Variants in SENP7 observed in about 807,000 individuals in gnomAD.
The protein encoded by SENP7 is SUMO specific peptidase 7, also known as sentrin-specific protease 7.
In SENP7, 64 loss-of-function variants were observed where a neutral mutation model predicts 141.2. That is an observed-to-expected ratio of 0.45 (90% confidence interval 0.37 to 0.56). SENP7 has a LOEUF of 0.56. SENP7 is among the 20% of genes least tolerant of loss of function. SENP7 has a pLI of 0.00. For missense variants in SENP7, 1,025 were observed against 1,212.2 expected, an observed-to-expected ratio of 0.85 and a Z score of 2.29; for synonymous variants, 382 against 426.4, an observed-to-expected ratio of 0.90 and a Z score of 1.28.
rs150700727 is a variant in SENP7, at chr3:101,446,013, A to T, written c.284+12942T>A. ...AATCTCATGTCATATTGTAATCCCC[A>T]ATGTTGGAAGAGGGGCCTTATGGGA... On this transcript the variant is annotated intron_variant, in intron 4 of 23. Coordinates refer to ENST00000394095, the MANE Select transcript of SENP7 (RefSeq NM_020654.5). 2.6e-3 allele frequency among the ~76,000 whole-genome samples: 397 copies of T among 152,202 alleles called. 6 individuals are homozygous for T. In the South Asian group the frequency reaches 0.029, roughly 11 times the overall value.
chr3:101,414,248 G>A (rs560852314), intron 5 of SENP7: 204 of 576,074 alleles, frequency 3.5e-4, no homozygotes, highest in African/African-American at 3.4e-3. Context: ...TGCAGGTGAC[G>A]AGTGGTAGAA....
chr3:101,505,906 T>C (rs1228927410), intron 1 of SENP7, among the ~76,000 whole-genome samples: 2 of 152,194 alleles, frequency 1.3e-5, no homozygotes, highest in African/African-American at 2.4e-5. Flanking sequence ...TAAAAGACTG[T>C]AGTATATTAG....
At chr3:101,342,184 TAAAG>T (rs2059344042) in intron 14 of SENP7, among the ~76,000 whole-genome samples, 1 of 152,096 alleles carries the variant, frequency 6.6e-6, no homozygotes, top group Non-Finnish European at 1.5e-5. Flanking sequence ...ACATTATACA[TAAAG>T]AAAGATAGAG....
At chr3:101,481,257 C>T (rs573718060) in intron 3 of SENP7, among the ~76,000 whole-genome samples, 1 of 151,998 alleles carries the variant, frequency 6.6e-6, no homozygotes, top group East Asian at 1.9e-4. Context: ...AATGGACAAA[C>T]GGATAAAGAA....
intron 1 of SENP7, among the ~76,000 whole-genome samples, chr3:101,507,746 T>G (rs1011297069): frequency 1.3e-5 from 2 of 151,974 alleles, no homozygotes. Flanking sequence ...CCTTTAAAAT[T>G]AACATAAATT....
chr3:101,487,545 C>T (rs537842733), intron 3 of SENP7, among the ~76,000 whole-genome samples: 1 of 152,234 alleles, frequency 6.6e-6, no homozygotes, highest in East Asian at 1.9e-4. Flanking sequence ...AGGCTGATAA[C>T]AAGAAGGGTA....
intron 3 of SENP7, among the ~76,000 whole-genome samples, chr3:101,488,200 A>G: frequency 6.6e-6 from 1 of 151,852 alleles, no homozygotes. Context: ...ACTCCTAGGT[A>G]TTTCATTTTT....
intron 3 of SENP7, among the ~76,000 whole-genome samples, chr3:101,465,039 C>G (rs970756057): frequency 1.3e-5 from 2 of 152,100 alleles, no homozygotes; most frequent in Non-Finnish European, 2.9e-5. Flanking sequence ...TCCGGAGAAA[C>G]AAAAATCAAT....
intron 6 of SENP7, among the ~76,000 whole-genome samples, chr3:101,377,716 C>G (rs2060376317): frequency 6.6e-6 from 1 of 152,086 alleles, no homozygotes; most frequent in Admixed American, 6.6e-5. Flanking sequence ...TAAAAAATAC[C>G]CAACTCTAGC....
chr3:101,335,612 C>G (rs1393705230), intron 17 of SENP7, among the ~76,000 whole-genome samples: 1 of 124,934 alleles, frequency 8.0e-6, no homozygotes, highest in Non-Finnish European at 1.8e-5. Context: ...TACACAATAT[C>G]TGTTTTTTGA....
chr3:101,345,346 G>A (rs182747769), intron 13 of SENP7, among the ~76,000 whole-genome samples: 3 of 152,284 alleles, frequency 2.0e-5, no homozygotes, highest in Admixed American at 6.5e-5. Context: ...CCATGAGCAT[G>A]GGATGTGTTT....
chr3:101,415,366 A>G (rs1002000933), intron 5 of SENP7, among the ~76,000 whole-genome samples: 3 of 152,230 alleles, frequency 2.0e-5, no homozygotes, highest in African/African-American at 7.2e-5. Context: ...AAGCATAATT[A>G]CTGCCTGATG....
chr3:101,385,906 G>C (rs1038208473), intron 6 of SENP7, among the ~76,000 whole-genome samples: 1 of 152,138 alleles, frequency 6.6e-6, no homozygotes. Flanking sequence ...GAAAAATCAG[G>C]ATATCAAGAC....
chr3:101,376,534 G>A (rs561216999), intron 6 of SENP7, among the ~76,000 whole-genome samples: 1 of 151,792 alleles, frequency 6.6e-6, no homozygotes, highest in South Asian at 2.1e-4. Context: ...CTGGCAAACA[G>A]CAAAAAACCA....
chr3:101,386,304 C>T (rs1208452254), intron 6 of SENP7, among the ~76,000 whole-genome samples: 2 of 152,158 alleles, frequency 1.3e-5, no homozygotes, highest in East Asian at 1.9e-4. Flanking sequence ...AAGAAATCCC[C>T]GGAAGTCCAT....
At chr3:101,452,180 G>C (rs994978802) in intron 4 of SENP7, among the ~76,000 whole-genome samples, 5 of 152,052 alleles carry the variant, frequency 3.3e-5, no homozygotes, top group African/African-American at 1.2e-4. Flanking sequence ...CCTCTTCAAG[G>C]AGAACTACAA....
chr3:101,373,744 C>T (rs2060242712), intron 6 of SENP7, among the ~76,000 whole-genome samples: 2 of 152,110 alleles, frequency 1.3e-5, no homozygotes, highest in African/African-American at 4.8e-5. Flanking sequence ...AACAGTGAAG[C>T]CAAACACATC....
chr3:101,350,572 A>G (rs2059587565), intron 12 of SENP7, among the ~76,000 whole-genome samples: 1 of 152,042 alleles, frequency 6.6e-6, no homozygotes, highest in Non-Finnish European at 1.5e-5. Context: ...TCTTTTAAAA[A>G]TTATATGCAA....
intron 4 of SENP7, among the ~76,000 whole-genome samples, chr3:101,449,608 C>T (rs1341049546): frequency 6.6e-6 from 1 of 152,142 alleles, no homozygotes; most frequent in East Asian, 1.9e-4. Flanking sequence ...AATTTCATAT[C>T]CAGCCAAACT....
Sources: allele counts gnomAD v4.1 joint callset (sites outside exome capture counted in the v4.1 genomes callset), GRCh38; gene constraint gnomAD v4.1.1; transcripts MANE v1.5; gene names NCBI Gene and HGNC (gene_info 2026-07-23, HGNC 2026-07-21).